SGCZ: variants seen among roughly 807,000 people sequenced by gnomAD.
The protein encoded by SGCZ is zeta-sarcoglycan.
In SGCZ, 40 loss-of-function variants were observed where a neutral mutation model predicts 41.3. The ratio of observed to expected loss-of-function variants is 0.97; its 90% CI spans 0.75 to 1.26. The LOEUF is 1.26. Ranked by LOEUF, SGCZ falls within the 50% of genes most tolerant of loss-of-function variation. The pLI, the probability that SGCZ is intolerant of heterozygous loss-of-function variation, is 0.00. For missense variants in SGCZ, 552 were observed against 369.8 expected (o/e 1.49, Z -4.04); for synonymous variants, 206 against 137.5 (o/e 1.50, Z -3.49).
At position 14,584,497 on chromosome 8, in the gene SGCZ, TG is replaced by T. The variant is rs1804997813; in HGVS notation, c.40-29572del. ...CTAGTGACTACATATATGCCATTAATGTATTGTGAGCATTGACATAAGGAAC... is the reference window on the plus strand; with the variant it reads ...CTAGTGACTACATATATGCCATTAATTATTGTGAGCATTGACATAAGGAAC... On this transcript the variant is annotated intron_variant, in intron 1 of 7. Transcript: ENST00000382080. Among the ~76,000 whole-genome samples, 3 of 152,154 alleles carry T rather than the reference TG, an allele frequency of 2.0e-5. No individual in the cohort carries two copies. In the South Asian group the frequency reaches 6.2e-4, roughly 32 times the overall value.
intron 1 of SGCZ, among the ~76,000 whole-genome samples, chr8:15,029,134 A>G (rs1344807570): frequency 4.6e-5 from 7 of 152,100 alleles, no homozygotes; most frequent in African/African-American, 1.7e-4. Context: ...GATACGCTAT[A>G]TATAAAATGC....
chr8:14,122,670 T>C (rs1802736178), intron 5 of SGCZ, among the ~76,000 whole-genome samples: 1 of 152,052 alleles, frequency 6.6e-6, no homozygotes, highest in South Asian at 2.1e-4. Context: ...TTTTAAAGAG[T>C]CATAACATCT....
At chr8:14,794,361 T>C (rs1585265806) in intron 1 of SGCZ, among the ~76,000 whole-genome samples, 1 of 152,022 alleles carries the variant, frequency 6.6e-6, no homozygotes, top group Admixed American at 6.6e-5. Flanking sequence ...TGAGAAAATA[T>C]ACTGCAGGAT....
intron 1 of SGCZ, among the ~76,000 whole-genome samples, chr8:15,156,489 A>C (rs1249538808): frequency 6.6e-6 from 1 of 152,196 alleles, no homozygotes; most frequent in Non-Finnish European, 1.5e-5. Context: ...ATACCTGAAA[A>C]GCTGCAGAGT....
At chr8:14,179,062 C>G (rs1462390330) in intron 4 of SGCZ, among the ~76,000 whole-genome samples, 1 of 152,170 alleles carries the variant, frequency 6.6e-6, no homozygotes, top group African/African-American at 2.4e-5. Flanking sequence ...TGTACACTTG[C>G]CCCGGCCAAG....
intron 3 of SGCZ, among the ~76,000 whole-genome samples, chr8:14,317,528 C>G (rs55812647): frequency 6.6e-6 from 1 of 151,846 alleles, no homozygotes; most frequent in African/African-American, 2.4e-5. Context: ...AATAGCTTTT[C>G]CACACAAGCA....
At chr8:14,913,776 A>G (rs1186669771) in intron 1 of SGCZ, among the ~76,000 whole-genome samples, 2 of 151,258 alleles carry the variant, frequency 1.3e-5, no homozygotes, top group Non-Finnish European at 3.0e-5. Context: ...GTCACAAATC[A>G]ATGTAGGAAA....
At chr8:15,062,660 T>A (rs943733495) in intron 1 of SGCZ, among the ~76,000 whole-genome samples, 2 of 152,194 alleles carry the variant, frequency 1.3e-5, no homozygotes, top group African/African-American at 4.8e-5. Flanking sequence ...AACACTTTCA[T>A]ATGATTTTAA....
At chr8:15,105,591 G>C (rs942226536) in intron 1 of SGCZ, among the ~76,000 whole-genome samples, 2 of 152,048 alleles carry the variant, frequency 1.3e-5, no homozygotes, top group Non-Finnish European at 2.9e-5. Flanking sequence ...TAGAAAGTCT[G>C]CCCCATGATT....
intron 4 of SGCZ, among the ~76,000 whole-genome samples, chr8:14,179,434 G>A (rs1224630853): frequency 6.6e-6 from 1 of 152,180 alleles, no homozygotes; most frequent in Non-Finnish European, 1.5e-5. Context: ...AGGGCCTACA[G>A]TGGACTTTTC....
chr8:14,553,790 C>T (rs1238219031), intron 2 of SGCZ, among the ~76,000 whole-genome samples: 3 of 152,032 alleles, frequency 2.0e-5, no homozygotes, highest in African/African-American at 7.2e-5. Context: ...AACAAACAAA[C>T]TTAAACAGCC....
At chr8:15,070,552 G>C (rs1805311736) in intron 1 of SGCZ, among the ~76,000 whole-genome samples, 1 of 152,146 alleles carries the variant, frequency 6.6e-6, no homozygotes, top group African/African-American at 2.4e-5. Flanking sequence ...AGGAAAGAAT[G>C]TAACGAGTAA....
chr8:14,800,412 T>C (rs936240743), intron 1 of SGCZ, among the ~76,000 whole-genome samples: 5 of 152,100 alleles, frequency 3.3e-5, no homozygotes, highest in Non-Finnish European at 5.9e-5. Flanking sequence ...CATATGAAAA[T>C]GGAAAGGAAT....
intron 1 of SGCZ, among the ~76,000 whole-genome samples, chr8:14,592,058 C>A (rs1805258402): frequency 1.3e-5 from 2 of 152,106 alleles, no homozygotes; most frequent in African/African-American, 4.8e-5. Flanking sequence ...TATATCATCT[C>A]CCAAAATATA....
chr8:14,314,738 A>T (rs1801659092), intron 3 of SGCZ, among the ~76,000 whole-genome samples: 1 of 152,154 alleles, frequency 6.6e-6, no homozygotes, highest in African/African-American at 2.4e-5. Flanking sequence ...TAATTTACTT[A>T]TGTTTGTATT....
At chr8:14,471,604 A>C (rs1298640867) in intron 2 of SGCZ, among the ~76,000 whole-genome samples, 2 of 152,072 alleles carry the variant, frequency 1.3e-5, no homozygotes, top group Admixed American at 1.3e-4. Flanking sequence ...CGTATCCTAT[A>C]ATTATTACCA....
intron 1 of SGCZ, among the ~76,000 whole-genome samples, chr8:14,983,225 G>A (rs544147887): frequency 9.9e-4 from 141 of 142,960 alleles, no homozygotes; most frequent in South Asian, 9.2e-3. Flanking sequence ...TCACTCTCTC[G>A]CCCAGGCTGG....
intron 1 of SGCZ, among the ~76,000 whole-genome samples, chr8:14,774,443 GT>G (rs1800340178): frequency 6.6e-6 from 1 of 152,162 alleles, no homozygotes; most frequent in African/African-American, 2.4e-5. Flanking sequence ...TTCAGTTAAC[GT>G]TTAGGATTGT....
chr8:14,394,812 T>C (rs1030495922), intron 2 of SGCZ, among the ~76,000 whole-genome samples: 2 of 152,168 alleles, frequency 1.3e-5, no homozygotes, highest in Non-Finnish European at 2.9e-5. Context: ...ATAATGAACA[T>C]ATTGTGTCTA....
Sources: gnomAD v4.1 joint callset for allele counts (sites outside exome capture counted in the v4.1 genomes callset) on GRCh38, gnomAD v4.1.1 for gene constraint, MANE v1.5 for transcripts, NCBI Gene and HGNC (gene_info 2026-07-23, HGNC 2026-07-21) for gene names.